ZNF334: variants seen among roughly 807,000 people sequenced by gnomAD.
ZNF334 encodes the protein zinc finger protein 334.
A neutral mutation model predicts 12.4 loss-of-function variants in ZNF334; 14 were observed. The observed-to-expected ratio is 1.13, with a 90% CI of 0.74 to 1.76. The LOEUF (loss-of-function observed/expected upper bound fraction) is 1.76. Among genes scored for constraint, ZNF334 ranks in the 40% most tolerant of loss-of-function variants. The probability of loss-of-function intolerance (pLI) is 0.00; values close to 1 mark genes in which losing one functional copy is unlikely to be tolerated. For synonymous variants in ZNF334, 273 were observed against 269.6 expected (o/e 1.01, Z -0.12); for missense variants, 797 against 804.5 (o/e 0.99, Z 0.11).
rs911164639 is a variant in ZNF334, at chr20:46,502,602, A to G, written c.737T>C (p.Phe246Ser). 1 of 1,609,674 alleles carries G rather than the reference A, an allele frequency of 6.2e-7. No homozygotes were observed. Among genetic ancestry groups the G allele is most frequent in the South Asian group, 1.1e-5 (1 of 90,988 alleles). Residue 246 changes from phenylalanine to serine, a missense_variant, in exon 5 of 5, where the codon TTT (phenylalanine) becomes TCT (serine). Transcript: ENST00000692313. ...TACAATGAGGGTAGATCTCTTAGAA[A>G]AGGTTTTCCTACATTCATTACATTC... ...PNECNECRKT[F>S]SKRSTLIVHQ...
At chr20:46,487,865 C>T in the ZNF334 span, among the ~76,000 whole-genome samples, 1 of 152,156 alleles carries the variant, frequency 6.6e-6, no homozygotes, top group Non-Finnish European at 1.5e-5. Flanking sequence ...TCCACCTTTT[C>T]GTTGAGGTGC....
downstream of ZNF334, among the ~76,000 whole-genome samples, chr20:46,497,571 C>G (rs1382732836): frequency 6.6e-6 from 1 of 152,096 alleles, no homozygotes; most frequent in Non-Finnish European, 1.5e-5. Flanking sequence ...ACTATCTTCC[C>G]CCTTATTCCC....
the ZNF334 span, chr20:46,463,696 T>A: frequency 5.8e-6 from 1 of 172,232 alleles, no homozygotes; most frequent in Non-Finnish European, 1.1e-5. Context: ...TTTTTGAAAC[T>A]TTTTTCCACA....
the ZNF334 span, chr20:46,492,140 T>A: frequency 6.6e-6 from 1 of 152,594 alleles, no homozygotes; most frequent in South Asian, 2.1e-4. Context: ...GCCCTTTCCA[T>A]GTAATGAATG....
At position 46,502,204 on chromosome 20, in the gene ZNF334, A is replaced by G. The variant is rs768189504; in HGVS notation, c.1135T>C (p.Cys379Arg). The G allele has an allele frequency of 5.6e-6, 9 of 1,614,136 alleles. No individual in the cohort carries two copies. The highest frequency in any genetic ancestry group is 5.0e-5 in the Admixed American group (3 of 60,028). ...AAGAAGGTTTTCCCACATTCCTTAC[A>G]TTCATTTGGCTTCTCTCCTCTGTGA... The part of the protein sequence containing the change: ...RTHRGEKPNE[C>R]KECGKTFFCQ... The change falls in exon 5 of 5, where the codon TGT becomes CGT. Residue 379 changes from cysteine to arginine, a missense_variant. Physicochemically the swap from Cys to Arg is radical, Grantham distance 180. Coordinates refer to ENST00000692313, the MANE Select transcript of ZNF334 (RefSeq NM_001353824.2).
chr20:46,467,053 C>T, the ZNF334 span, among the ~76,000 whole-genome samples: 2 of 152,100 alleles, frequency 1.3e-5, no homozygotes, highest in East Asian at 3.8e-4. Flanking sequence ...ATATTTCTCA[C>T]AGTTCATGTT....
At chr20:46,476,667 C>T in the ZNF334 span, among the ~76,000 whole-genome samples, 1 of 152,164 alleles carries the variant, frequency 6.6e-6, no homozygotes, top group South Asian at 2.1e-4. Context: ...GAACCATATA[C>T]TTGTATTATG....
chr20:46,470,920 T>G, the ZNF334 span, among the ~76,000 whole-genome samples: 1 of 152,238 alleles, frequency 6.6e-6, no homozygotes, highest in East Asian at 1.9e-4. Context: ...TGAACATTCT[T>G]GTACACAAAT....
chr20:46,497,125 G>T (rs2061037961), downstream of ZNF334, among the ~76,000 whole-genome samples: 1 of 152,154 alleles, frequency 6.6e-6, no homozygotes, highest in Non-Finnish European at 1.5e-5. Flanking sequence ...TTTGGGATCT[G>T]GGAATAGCTC....
Position 46,501,869 on chromosome 20 carries a change from C to T in ZNF334, c.1470G>A (p.Val490=). Residue 490 remains valine, a synonymous_variant, in exon 5 of 5, where the codon GTG becomes GTA. Transcript: ENST00000692313. ...QRTHTGEKHG[V]FNKCGRISIV... is the part of the protein sequence containing the mutation. ...TGGAGATTCTACCACATTTATTAAA[C>T]ACACCATGTTTCTCTCCTGTGTGTG... 1 of 1,612,574 alleles carries T rather than the reference C, an allele frequency of 6.2e-7. No individual in the cohort carries two copies. The highest frequency in any genetic ancestry group is 8.5e-7 in the Non-Finnish European group (1 of 1,179,542).
intron 2 of ZNF334, among the ~76,000 whole-genome samples, chr20:46,509,162 T>C (rs1006255054): frequency 6.6e-6 from 1 of 150,570 alleles, no homozygotes; most frequent in African/African-American, 2.5e-5. Flanking sequence ...TTAAGATACA[T>C]ATCATTTTTA....
the ZNF334 span, among the ~76,000 whole-genome samples, chr20:46,482,307 T>C: frequency 1.3e-5 from 2 of 152,190 alleles, no homozygotes; most frequent in Non-Finnish European, 2.9e-5. Flanking sequence ...TTAGAAGAAC[T>C]GAGTAAATGA....
the ZNF334 span, among the ~76,000 whole-genome samples, chr20:46,478,735 C>T: frequency 2.0e-5 from 3 of 152,276 alleles, no homozygotes; most frequent in East Asian, 1.9e-4. Flanking sequence ...AGTCTTTGTG[C>T]AGGGGAACAC....
the ZNF334 span, among the ~76,000 whole-genome samples, chr20:46,469,720 G>A: frequency 1.3e-5 from 2 of 152,070 alleles, no homozygotes; most frequent in Admixed American, 6.6e-5. Context: ...GACTGTGTGT[G>A]CAATGAGACT....
Position 46,501,698 on chromosome 20 carries a change from A to G in ZNF334, c.1641T>C (p.Asn547=). Residue 547 remains asparagine (N), a synonymous_variant, in exon 5 of 5, where the codon AAT becomes AAC. Coordinates refer to ENST00000692313, the MANE Select transcript of ZNF334 (RefSeq NM_001353824.2). ...RTIWERPYEC[N]ECGRTYCRKS... ...TCCTGCAGTAGGTTCTCCCACATTC[A>G]TTGCATTCATATGGTCTCTCCCATA... The G allele has an allele frequency of 6.2e-7, 1 of 1,614,098 alleles. No homozygotes were observed. Among genetic ancestry groups the G allele is most frequent in the Non-Finnish European group, 8.5e-7 (1 of 1,179,994 alleles).
chr20:46,486,618 GA>G, the ZNF334 span, among the ~76,000 whole-genome samples: 1 of 151,558 alleles, frequency 6.6e-6, no homozygotes, highest in Non-Finnish European at 1.5e-5. Context: ...CAGTTTTAAG[GA>G]AAAAAAATCC....
chr20:46,503,454 G>T (rs748957329), intron 4 of ZNF334, among the ~76,000 whole-genome samples: 5 of 152,154 alleles, frequency 3.3e-5, no homozygotes. Flanking sequence ...TGTGGCTGAT[G>T]GAGTGTTGAA....
At position 46,501,524 on chromosome 20, in the gene ZNF334, A is replaced by C; in HGVS notation, c.1815T>G (p.Cys605Trp). 1 of 1,614,122 alleles carries C rather than the reference A, an allele frequency of 6.2e-7. No individual in the cohort carries two copies. The highest frequency in any genetic ancestry group is 8.5e-7 in the Non-Finnish European group (1 of 1,179,980). ...CTGACTTATGGCAGAAGGATTTCCC[A>C]CATTCATTACATTCATATGGTTTCT... ...TGEKPYECNE[C>W]GKSFCHKSAF... The change falls in exon 5 of 5, where the codon TGT (cysteine) becomes TGG (tryptophan). Residue 605 changes from cysteine to tryptophan, a missense_variant. Coordinates refer to ENST00000692313, the MANE Select transcript of ZNF334 (RefSeq NM_001353824.2).
downstream of ZNF334, among the ~76,000 whole-genome samples, chr20:46,497,117 T>C (rs1279545403): frequency 3.3e-5 from 5 of 152,218 alleles, no homozygotes; most frequent in African/African-American, 7.2e-5. Flanking sequence ...AAATGACTTT[T>C]GGGATCTGGG....
Sources: allele counts gnomAD v4.1 joint callset (sites outside exome capture counted in the v4.1 genomes callset), GRCh38; gene constraint gnomAD v4.1.1; transcripts MANE v1.5; gene names NCBI Gene and HGNC (gene_info 2026-07-23, HGNC 2026-07-21).